Variants in RBKS observed in about 807,000 individuals in gnomAD.
The protein encoded by RBKS is ribokinase.
Under a neutral mutation model 33.9 loss-of-function variants are expected in RBKS, and 33 were observed. The observed-to-expected ratio is 0.97, with a 90% CI of 0.74 to 1.30. The LOEUF (loss-of-function observed/expected upper bound fraction) is 1.30. Ranked by LOEUF, RBKS falls within the 50% of genes most tolerant of loss-of-function variation. The pLI is 0.00. For synonymous variants in RBKS, 125 were observed against 143.0 expected (o/e 0.87, Z 0.90); for missense variants, 361 against 392.6 (o/e 0.92, Z 0.68).
intron 1 of RBKS, among the ~76,000 whole-genome samples, chr2:27,865,073 C>A (rs1421847985): frequency 6.6e-6 from 1 of 152,192 alleles, no homozygotes; most frequent in Non-Finnish European, 1.5e-5. Flanking sequence ...GTAATCCCAG[C>A]ACTTTGGGAG....
intron 7 of RBKS, among the ~76,000 whole-genome samples, chr2:27,801,989 TATA>T (rs1213095322): frequency 1.3e-4 from 12 of 91,450 alleles, no homozygotes; most frequent in African/African-American, 4.7e-4. Context: ...TATATATATA[TATA>T]TTTTTTTTTT....
intron 7 of RBKS, among the ~76,000 whole-genome samples, chr2:27,812,181 C>T (rs1677998110): frequency 6.6e-6 from 1 of 152,260 alleles, no homozygotes; most frequent in African/African-American, 2.4e-5. Flanking sequence ...GAGATACCAT[C>T]TCACACCAGT....
Position 27,890,067 on chromosome 2 carries a change from T to G in RBKS, c.89+190A>C. ...GCCTATTACGTCCCCTCCCCTGAGA[T>G]TTACCTTTATATACTCAAGTTCTTT... On this transcript the variant is annotated intron_variant, in intron 1 of 7. Coordinates refer to ENST00000302188, the MANE Select transcript of RBKS (RefSeq NM_022128.3). This position sits in a 1 kb window ranked among gnomAD's most constrained non-coding sequence, Gnocchi z 4.8. 1.8e-6 allele frequency: 1 copy of G among 562,270 alleles called. No homozygotes were observed. 34.8% of individuals were successfully genotyped at this position (562,270 alleles called of 1,614,324 possible). A position where few individuals can be genotyped will look rare whatever the true frequency, so the allele number is the denominator to read the frequency against.
chr2:27,884,688 T>C (rs778722884), intron 1 of RBKS, among the ~76,000 whole-genome samples: 28 of 152,218 alleles, frequency 1.8e-4, no homozygotes, highest in Non-Finnish European at 2.9e-4. Flanking sequence ...GGATTAAGCT[T>C]AGATGCTTGG....
In RBKS at chr2:27,858,488, T is replaced by G. The variant is rs749129764; in HGVS notation, c.173A>C (p.Gln58Pro). Residue 58 changes from glutamine to proline, a missense_variant, in exon 2 of 8, where the codon CAG (glutamine) becomes CCG (proline). Physicochemically the swap from Gln to Pro is moderately conservative, Grantham distance 76 (BLOSUM62 -1). Coordinates refer to ENST00000302188, the MANE Select transcript of RBKS (RefSeq NM_022128.3). ...FIGFGGKGANQCVQAARLGAM... is the reference protein window; with the variant it reads ...FIGFGGKGANPCVQAARLGAM... Reference sequence around the variant, plus strand: ...TCCAAGCCGAGCAGCTTGGACACACTGGTTGGCACCTTTCCCTCCAAAGCC... The same window carrying G: ...TCCAAGCCGAGCAGCTTGGACACACGGGTTGGCACCTTTCCCTCCAAAGCC... The G allele has an allele frequency of 6.2e-7, 1 of 1,614,110 alleles. No homozygotes were observed. Among genetic ancestry groups the G allele is most frequent in the African/African-American group, 1.3e-5 (1 of 75,028 alleles).
chr2:27,818,406 A>G (rs13026758), intron 7 of RBKS, among the ~76,000 whole-genome samples: 41,004 of 152,034 alleles, frequency 0.27, 6,488 homozygotes, highest in East Asian at 0.63. Flanking sequence ...GAGAGTGAAG[A>G]CTAGGCAGAC....
intron 1 of RBKS, among the ~76,000 whole-genome samples, chr2:27,881,361 C>T (rs534503251): frequency 7.2e-5 from 11 of 151,806 alleles, no homozygotes; most frequent in African/African-American, 2.4e-4. Flanking sequence ...GTCAACATGG[C>T]GAAACCCCGT....
chr2:27,866,319 T>TC (rs1664097800), intron 1 of RBKS, among the ~76,000 whole-genome samples: 1 of 152,216 alleles, frequency 6.6e-6, no homozygotes, highest in Non-Finnish European at 1.5e-5. Flanking sequence ...ACCTTTTTTT[T>TC]CTTAACCTCT....
chr2:27,788,336 A>G (rs1241426145), intron 7 of RBKS, among the ~76,000 whole-genome samples: 1 of 152,244 alleles, frequency 6.6e-6, no homozygotes, highest in Non-Finnish European at 1.5e-5. Flanking sequence ...CTACGTAGAA[A>G]ATCCTAAGAA....
At position 27,875,947 on chromosome 2, in the gene RBKS, C is replaced by CA. The variant is rs926417502; in HGVS notation, c.89+14309dup. ...GAGGGATTACAAATGGGAGACGAAACAAAAAAAATAGGCTAAACTGAAATA... is the reference window on the plus strand; with the variant it reads ...GAGGGATTACAAATGGGAGACGAAACAAAAAAAAATAGGCTAAACTGAAATA... On this transcript the variant is annotated intron_variant, in intron 1 of 7. Coordinates refer to ENST00000302188, the MANE Select transcript of RBKS (RefSeq NM_022128.3). Among the ~76,000 whole-genome samples the CA allele has an allele frequency of 8.6e-5, 13 of 150,936 alleles. No homozygotes were observed. In the East Asian group the frequency reaches 2.3e-3, roughly 27 times the overall value.
intron 7 of RBKS, among the ~76,000 whole-genome samples, chr2:27,802,209 G>C (rs1677810121): frequency 6.6e-6 from 1 of 150,932 alleles, no homozygotes; most frequent in African/African-American, 2.4e-5. Flanking sequence ...AGGGGATGGT[G>C]CTACACCATT....
At chr2:27,793,525 C>G (rs1181856419) in intron 7 of RBKS, among the ~76,000 whole-genome samples, 5 of 152,152 alleles carry the variant, frequency 3.3e-5, no homozygotes, top group African/African-American at 9.7e-5. Context: ...GCCTCAAATG[C>G]GTAAGACAGA....
chr2:27,876,130 T>C (rs1664311245), intron 1 of RBKS, among the ~76,000 whole-genome samples: 1 of 152,194 alleles, frequency 6.6e-6, no homozygotes, highest in Admixed American at 6.5e-5. Context: ...CAATCCCACT[T>C]TTGGGTATAT....
chr2:27,832,830 G>T, intron 5 of RBKS, 53 bp from the exon 6 acceptor site: 2 of 1,157,812 alleles, frequency 1.7e-6, no homozygotes, highest in Non-Finnish European at 2.6e-6. Flanking sequence ...TTAACATGGT[G>T]CATTTACAGA....
chr2:27,842,228 G>A (rs1663526332), intron 5 of RBKS, among the ~76,000 whole-genome samples: 1 of 152,116 alleles, frequency 6.6e-6, no homozygotes, highest in South Asian at 2.1e-4. Flanking sequence ...TTTTTAAAAA[G>A]TTTGTTATTT....
chr2:27,800,427 T>G (rs951052660), intron 7 of RBKS, among the ~76,000 whole-genome samples: 7 of 152,204 alleles, frequency 4.6e-5, no homozygotes, highest in African/African-American at 1.4e-4. Context: ...CACTCAGCTT[T>G]TCTGTGGGTT....
chr2:27,862,147 G>C (rs1664003426), intron 1 of RBKS, among the ~76,000 whole-genome samples: 3 of 151,564 alleles, frequency 2.0e-5, no homozygotes, highest in South Asian at 4.2e-4. Flanking sequence ...ACGGGGTTTT[G>C]CCATGTTGCT....
intron 5 of RBKS, among the ~76,000 whole-genome samples, chr2:27,833,606 CT>C (rs559077698): frequency 4.6e-5 from 7 of 152,162 alleles, no homozygotes; most frequent in Non-Finnish European, 8.8e-5. Flanking sequence ...TGGACCCCTA[CT>C]CAGGGTCCTC....
chr2:27,843,908 G>T (rs1030781410), intron 4 of RBKS, among the ~76,000 whole-genome samples: 3 of 152,156 alleles, frequency 2.0e-5, no homozygotes, highest in African/African-American at 7.2e-5. Context: ...TAAGAGCTGT[G>T]CTGTCCAACA....
Sources: allele counts gnomAD v4.1 joint callset (sites outside exome capture counted in the v4.1 genomes callset), GRCh38; gene constraint gnomAD v4.1.1; non-coding constraint Gnocchi (gnomAD v3.1); transcripts MANE v1.5; gene names NCBI Gene and HGNC (gene_info 2026-07-23, HGNC 2026-07-21).